The following PCDHGA5 variants were observed in gnomAD, a reference collection of about 807,000 sequenced individuals.
PCDHGA5 encodes protocadherin gamma subfamily A, 5.
Under a neutral mutation model 56.7 loss-of-function variants are expected in PCDHGA5, and 36 were observed. That is an observed-to-expected ratio of 0.64 (90% CI 0.49 to 0.84). The LOEUF is 0.84. Among genes scored for constraint, PCDHGA5 ranks in the 40% least tolerant of loss-of-function variants. The pLI, the probability that PCDHGA5 is intolerant of heterozygous loss-of-function variation, is 0.00. For missense variants in PCDHGA5, 1,305 were observed against 1,201.5 expected (o/e 1.09, Z -1.27); for synonymous variants, 563 against 520.2 (o/e 1.08, Z -1.12).
intron 1 of PCDHGA5, chr5:141,414,637 A>G: frequency 5.6e-6 from 9 of 1,613,894 alleles, no homozygotes; most frequent in Non-Finnish European, 6.8e-6. Context: ...CAGCAAAGAG[A>G]ATGCCCAGAT....
rs1290674122 is a variant in PCDHGA5 at position 141,489,521 on chromosome 5, G to A, written c.2422-5286G>A. 3 of 1,613,988 alleles carry A rather than the reference G, an allele frequency of 1.9e-6. No individual in the cohort carries two copies. The highest frequency in any genetic ancestry group is 2.2e-5 in the East Asian group (1 of 44,886). On this transcript the variant is annotated intron_variant, in intron 1 of 3. Coordinates refer to ENST00000518069, the MANE Select transcript of PCDHGA5 (RefSeq NM_018918.3). This position sits in a 1 kb window ranked among gnomAD's most constrained non-coding sequence, Gnocchi z 4.5. ...GTGAATCAAAAGATTGACCGAGAAAGCCTATGTGGAGCCAGCACCAGCTGC... is the reference window on the plus strand; with the variant it reads ...GTGAATCAAAAGATTGACCGAGAAAACCTATGTGGAGCCAGCACCAGCTGC...
chr5:141,381,932 C>T lies in PCDHGA5; in HGVS notation c.2421+15181C>T, dbSNP rs1205042648. Among the ~76,000 whole-genome samples the T allele has an allele frequency of 2.1e-5, 3 of 144,772 alleles. No homozygotes were observed. The Admixed American group carries it at 2.2e-4, about 11-fold the overall frequency. The allele number at this position is 144,772 out of a possible 152,430, so 95.0% of individuals were successfully genotyped here. A position where few individuals can be genotyped will look rare whatever the true frequency, so the allele number is the denominator to read the frequency against. ...ACAACCTCCACCTCCCGGGTTCAAG[C>T]GATTTTCCTGCCTCAGCCTCCTGAG... is the stretch of plus-strand genomic sequence containing the variant. On this transcript the variant is annotated intron_variant, in intron 1 of 3. Transcript: ENST00000518069.
intron 2 of PCDHGA5, among the ~76,000 whole-genome samples, chr5:141,501,049 A>G (rs1458722311): frequency 1.3e-5 from 2 of 151,844 alleles, no homozygotes; most frequent in African/African-American, 2.4e-5. Flanking sequence ...TTGTATTTTT[A>G]GTAGAGACGG....
chr5:141,398,915 A>G, intron 1 of PCDHGA5: 1 of 1,614,002 alleles, frequency 6.2e-7, no homozygotes, highest in Non-Finnish European at 8.5e-7. Context: ...ACTGTGTTGC[A>G]AGTGTCAGCC....
chr5:141,413,170 A>G, intron 1 of PCDHGA5: 1 of 1,595,602 alleles, frequency 6.3e-7, no homozygotes, highest in Non-Finnish European at 8.5e-7. Flanking sequence ...CTGTAACCAG[A>G]CTACAATGGC....
chr5:141,478,102 C>T, intron 1 of PCDHGA5: 1 of 1,614,126 alleles, frequency 6.2e-7, no homozygotes, highest in South Asian at 1.1e-5. Flanking sequence ...CTGCTACCCT[C>T]ACTGTGTCAG....
intron 1 of PCDHGA5, chr5:141,433,252 G>T (rs1398141147): frequency 1.4e-6 from 2 of 1,425,340 alleles, no homozygotes; most frequent in Non-Finnish European, 1.9e-6. Flanking sequence ...GGAATGCAGC[G>T]GTACGATCAT....
chr5:141,382,940 T>A, intron 1 of PCDHGA5: 1 of 1,595,270 alleles, frequency 6.3e-7, no homozygotes, highest in Non-Finnish European at 8.6e-7. Flanking sequence ...AGAGGATTCT[T>A]CCTGCTCTCC....
chr5:141,370,893 C>T (rs116495533), intron 1 of PCDHGA5: 4 of 1,613,944 alleles, frequency 2.5e-6, no homozygotes, highest in Admixed American at 3.3e-5. Flanking sequence ...TGTCAATTCG[C>T]TGCAGCAGTA....
At chr5:141,419,521 C>A (rs1418329404) in intron 1 of PCDHGA5, 1 of 1,612,240 alleles carries the variant, frequency 6.2e-7, no homozygotes, top group Non-Finnish European at 8.5e-7. Context: ...TGGTGGGCGA[C>A]CGTAACGACA....
Position 141,485,741 on chromosome 5 carries a change from C to A in PCDHGA5, c.2422-9066C>A. 6.2e-7 allele frequency: 1 copy of A among 1,614,180 alleles called. No homozygotes were observed. Among genetic ancestry groups the A allele is most frequent in the Non-Finnish European group, 8.5e-7 (1 of 1,179,992 alleles). On this transcript the variant is annotated intron_variant, in intron 1 of 3. Coordinates refer to ENST00000518069, the MANE Select transcript of PCDHGA5 (RefSeq NM_018918.3). This position sits in a 1 kb window ranked among gnomAD's most constrained non-coding sequence, Gnocchi z 5.7. ...TGTGAAGAAGCGCAGCGACGGCAGC[C>A]TGGTCCCAGAGCTGCTCCTGGAGAA...
chr5:141,404,167 G>C, intron 1 of PCDHGA5: 1 of 1,612,946 alleles, frequency 6.2e-7, no homozygotes, highest in South Asian at 1.1e-5. Context: ...ACAGATTGTT[G>C]ACGGCCCAAA....
At chr5:141,445,020 C>T (rs2098454249) in intron 1 of PCDHGA5, among the ~76,000 whole-genome samples, 1 of 152,130 alleles carries the variant, frequency 6.6e-6, no homozygotes, top group Non-Finnish European at 1.5e-5. Flanking sequence ...TTTAATTTCT[C>T]TCAGCTATGT....
intron 1 of PCDHGA5, chr5:141,440,968 T>A (rs1487107428): frequency 6.6e-6 from 1 of 152,198 alleles, no homozygotes; most frequent in African/African-American, 2.4e-5. Flanking sequence ...AGATCACATA[T>A]GGCTTCACAA....
chr5:141,407,601 A>G (rs886898088), intron 1 of PCDHGA5, among the ~76,000 whole-genome samples: 3 of 152,168 alleles, frequency 2.0e-5, no homozygotes, highest in African/African-American at 7.2e-5. Flanking sequence ...CATCTTAAAA[A>G]GAAGCATTGG....
intron 3 of PCDHGA5, 154 bp from the exon 4 acceptor site, chr5:141,510,793 G>GAGA: frequency 1.1e-6 from 1 of 935,078 alleles, no homozygotes; most frequent in Non-Finnish European, 1.3e-6. Context: ...CTCTTGTGAA[G>GAGA]AGAGACTACC....
rs1258181913 is a variant in PCDHGA5, at chr5:141,366,360, G to A, written c.2030G>A (p.Ser677Asn). The part of the protein sequence containing the change: ...RIPDILADLG[S>N]IKTPIDPEDL... ...CCTGACATCCTGGCTGACCTAGGCA[G>A]TATCAAGACCCCCATTGACCCTGAG... Residue 677 changes from serine (S) to asparagine (N), a missense_variant, in exon 1 of 4, where the codon AGT (serine) becomes AAT (asparagine). Coordinates refer to ENST00000518069, the MANE Select transcript of PCDHGA5 (RefSeq NM_018918.3). The A allele has an allele frequency of 9.3e-6, 15 of 1,614,022 alleles. No homozygotes were observed. The highest frequency in any genetic ancestry group is 1.3e-5 in the African/African-American group (1 of 75,076).
intron 1 of PCDHGA5, chr5:141,405,106 C>G: frequency 6.2e-7 from 1 of 1,613,964 alleles, no homozygotes; most frequent in Non-Finnish European, 8.5e-7. Flanking sequence ...GGCTGAGGCA[C>G]TGGCACTCCT....
intron 1 of PCDHGA5, chr5:141,398,612 T>C (rs756084003): frequency 2.5e-6 from 4 of 1,614,024 alleles, no homozygotes; most frequent in East Asian, 2.2e-5. Flanking sequence ...GATGCAGATA[T>C]TGGCTTAAAC....
Sources: gnomAD v4.1 joint callset for allele counts (sites outside exome capture counted in the v4.1 genomes callset) on GRCh38, gnomAD v4.1.1 for gene constraint, Gnocchi (gnomAD v3.1) non-coding constraint, MANE v1.5 for transcripts, NCBI Gene and HGNC (gene_info 2026-07-23, HGNC 2026-07-21) for gene names.